FGF23: variants seen among roughly 807,000 people sequenced by gnomAD.
The protein encoded by FGF23 is fibroblast growth factor 23.
FGF23 carries 8 observed loss-of-function variants against 9.0 expected under a neutral mutation model. The ratio of observed to expected loss-of-function variants is 0.89; its 90% CI spans 0.52 to 1.60. The LOEUF (loss-of-function observed/expected upper bound fraction) is 1.60, where lower values mean the gene tolerates loss of function less well. Ranked by LOEUF, FGF23 falls within the 40% of genes most tolerant of loss-of-function variation. FGF23 has a pLI of 0.00. For synonymous variants in FGF23, 118 were observed against 146.2 expected (o/e 0.81, Z 1.39); for missense variants, 311 against 344.3 (o/e 0.90, Z 0.77).
chr12:4,372,928 G>C (rs1370689388), intron 1 of FGF23, among the ~76,000 whole-genome samples: 1 of 152,176 alleles, frequency 6.6e-6, no homozygotes, highest in Non-Finnish European at 1.5e-5. Context: ...CTTGTTGCCT[G>C]TATGGGGCAC....
Position 4,369,236 on chromosome 12 carries a change from T to TCCCCTGATTTCTTTC in FGF23, c.*1092_*1106dup. On this transcript the variant is annotated 3_prime_UTR_variant, in exon 3 of 3. Transcript: ENST00000237837. ...GTCTTTTCATAACTTCTATAACATG[T>TCCCCTGATTTCTTTC]CCCCTGATTTCTTTCCCCCTGAGTC... 4.3e-6 allele frequency: 1 copy of TCCCCTGATTTCTTTC among 231,426 alleles called. No individual in the cohort carries two copies. The highest frequency in any genetic ancestry group is 8.5e-6 in the Non-Finnish European group (1 of 116,982). 14.3% of individuals were successfully genotyped at this position (231,426 alleles called of 1,614,324 possible).
Position 4,372,623 on chromosome 12 carries a change from T to C in FGF23, c.286A>G (p.Met96Val), listed in dbSNP as rs1235827893. 1.2e-6 allele frequency: 2 copies of C among 1,612,178 alleles called. No individual in the cohort carries two copies. The highest frequency in any genetic ancestry group is 2.2e-5 in the East Asian group (1 of 44,872). The stretch of plus-strand genomic sequence containing the variant: ...CCAAAAATGTTGCCTCTGAAATCCA[T>C]GCAGAGGTATCTTCTGCTCATCACA... ...TGVMSRRYLC[M>V]DFRGNIFGSH... Residue 96 changes from methionine (M) to valine (V), a missense_variant, in exon 2 of 3, where the codon ATG becomes GTG. By Grantham distance (21) the Met-to-Val change is conservative (BLOSUM62 1). Coordinates refer to ENST00000237837, the MANE Select transcript of FGF23 (RefSeq NM_020638.3).
In FGF23 at chr12:4,370,605, G is replaced by A. The variant is rs758416496; in HGVS notation, c.494C>T (p.Pro165Leu). Residue 165 changes from proline (P) to leucine (L), a missense_variant, in exon 3 of 3, where the codon CCC (proline) becomes CTC (leucine). Transcript: ENST00000237837. ...TATGGGGGTGTTGAAGTGAATTAGGGGGATCTCGTTCCTCCGGGACAGGAA... is the reference window on the plus strand; with the variant it reads ...TATGGGGGTGTTGAAGTGAATTAGGAGGATCTCGTTCCTCCGGGACAGGAA... ...SQFLSRRNEIPLIHFNTPIPR... is the reference protein window; with the variant it reads ...SQFLSRRNEILLIHFNTPIPR... 8.7e-6 allele frequency: 14 copies of A among 1,613,962 alleles called. No homozygotes were observed. The highest frequency in any genetic ancestry group is 1.7e-5 in the Admixed American group (1 of 60,002).
chr12:4,376,930 G>A (rs967023674), intron 1 of FGF23, among the ~76,000 whole-genome samples: 2 of 152,018 alleles, frequency 1.3e-5, no homozygotes, highest in African/African-American at 4.8e-5. Flanking sequence ...CATAGACTAG[G>A]AAAAGTAGAT....
chr12:4,377,646 G>A (rs1865133139), intron 1 of FGF23, among the ~76,000 whole-genome samples: 1 of 148,504 alleles, frequency 6.7e-6, no homozygotes, highest in Non-Finnish European at 1.5e-5. Context: ...TAGCCAGGAT[G>A]GTCTCAATCT....
In FGF23 at chr12:4,379,547, G is replaced by A; in HGVS notation, c.36C>T (p.Ala12=). The A allele has an allele frequency of 6.2e-7, 1 of 1,611,340 alleles. No homozygotes were observed. Among genetic ancestry groups the A allele is most frequent in the African/African-American group, 1.3e-5 (1 of 75,062 alleles). Residue 12 remains alanine (A), a synonymous_variant, in exon 1 of 3, where the codon GCC becomes GCT. Transcript: ENST00000237837. ...CGCTCATGCTGCAGACGCTGCACAA[G>A]GCACAGACCCAGAGCCTGAGGCGGG... ...LGARLRLWVC[A]LCSVCSMSVL... is the part of the protein sequence containing the mutation.
intron 2 of FGF23, among the ~76,000 whole-genome samples, chr12:4,371,817 A>G (rs975841670): frequency 6.6e-6 from 1 of 152,148 alleles, no homozygotes; most frequent in Non-Finnish European, 1.5e-5. Context: ...GAAGACACCA[A>G]TGGCTTTTCA....
intron 1 of FGF23, among the ~76,000 whole-genome samples, chr12:4,376,809 G>A (rs901291537): frequency 1.3e-5 from 2 of 152,046 alleles, no homozygotes; most frequent in African/African-American, 2.4e-5. Context: ...GTGAGCCACC[G>A]CATCTGGCCT....
rs916877521 is a variant in FGF23 at position 4,370,727 on chromosome 12, G to A, written c.372C>T (p.Tyr124=). ...GATACTGAGGAGAGTGGTAGACGTCGTACCCGTTTTCCAGCGTCTGGTGTT... is the reference window on the plus strand; with the variant it reads ...GATACTGAGGAGAGTGGTAGACGTCATACCCGTTTTCCAGCGTCTGGTGTT... ...RFQHQTLENG[Y]DVYHSPQYHF... The change falls in exon 3 of 3, where the codon TAC becomes TAT. Residue 124 remains tyrosine, a synonymous_variant. Transcript: ENST00000237837. 7 of 1,614,004 alleles carry A rather than the reference G, an allele frequency of 4.3e-6. No individual in the cohort carries two copies. The highest frequency in any genetic ancestry group is 4.0e-5 in the African/African-American group (3 of 74,914).
chr12:4,374,426 G>A (rs1865095631), intron 1 of FGF23, among the ~76,000 whole-genome samples: 1 of 152,130 alleles, frequency 6.6e-6, no homozygotes, highest in Non-Finnish European at 1.5e-5. Flanking sequence ...GAGGCGGGTG[G>A]ATCATGAGGT....
intron 1 of FGF23, among the ~76,000 whole-genome samples, chr12:4,378,699 G>A (rs11063123): frequency 0.15 from 23,142 of 151,980 alleles, 1,904 homozygotes; most frequent in East Asian, 0.22. Context: ...GTACCTGGGT[G>A]TCTGAAACAC....
chr12:4,378,013 G>A (rs1456937625), intron 1 of FGF23, among the ~76,000 whole-genome samples: 1 of 152,198 alleles, frequency 6.6e-6, no homozygotes, highest in Non-Finnish European at 1.5e-5. Context: ...TGGTTTCCAA[G>A]ATGTTGACTC....
chr12:4,372,456 G>T, intron 2 of FGF23, 138 bp downstream of exon 2: 1 of 700,226 alleles, frequency 1.4e-6, no homozygotes, highest in Non-Finnish European at 2.6e-6. Flanking sequence ...TTCATACTTA[G>T]ACTGCATGAA....
At chr12:4,373,276 G>C (rs1011447457) in intron 1 of FGF23, among the ~76,000 whole-genome samples, 1 of 152,164 alleles carries the variant, frequency 6.6e-6, no homozygotes, top group Non-Finnish European at 1.5e-5. Context: ...AGGCTCAGGC[G>C]TCACCATCTC....
At chr12:4,375,996 G>A (rs912788657) in intron 1 of FGF23, among the ~76,000 whole-genome samples, 1 of 152,160 alleles carries the variant, frequency 6.6e-6, no homozygotes, top group African/African-American at 2.4e-5. Context: ...GTATGAAAAA[G>A]GCTGAAGGAG....
chr12:4,375,891 A>T (rs929263400), intron 1 of FGF23, among the ~76,000 whole-genome samples: 1 of 152,248 alleles, frequency 6.6e-6, no homozygotes, highest in Non-Finnish European at 1.5e-5. Flanking sequence ...TGCTTATAGA[A>T]GTAGAAAATT....
chr12:4,376,378 G>GA (rs1279977181), intron 1 of FGF23, among the ~76,000 whole-genome samples: 1 of 152,044 alleles, frequency 6.6e-6, no homozygotes, highest in Non-Finnish European at 1.5e-5. Context: ...ATTAGGAGGG[G>GA]AAAAAATACC....
chr12:4,369,079 C>T lies in FGF23; in HGVS notation c.*1264G>A, dbSNP rs1865033384. The T allele has an allele frequency of 4.4e-6, 1 of 228,816 alleles. No homozygotes were observed. The highest frequency in any genetic ancestry group is 8.7e-6 in the Non-Finnish European group (1 of 115,476). The allele number at this position is 228,816 out of a possible 1,614,324, so 14.2% of individuals were successfully genotyped here. On this transcript the variant is annotated 3_prime_UTR_variant, in exon 3 of 3. Transcript: ENST00000237837. ...GAACCGCAGTAATGGGGTAAGGCTT[C>T]ATTTAATGCACCAAGAATTTCCAAG...
Position 4,369,451 on chromosome 12 carries a change from C to A in FGF23, c.*892G>T. ...TCTTAGGAGAGTTGGAATTTATTTCCATTTTGAAAAGCAAATTCTAGCAGG... is the reference window on the plus strand; with the variant it reads ...TCTTAGGAGAGTTGGAATTTATTTCAATTTTGAAAAGCAAATTCTAGCAGG... On this transcript the variant is annotated 3_prime_UTR_variant, in exon 3 of 3. Transcript: ENST00000237837. The A allele has an allele frequency of 4.4e-6, 1 of 229,712 alleles. No individual in the cohort carries two copies. 14.2% of individuals were successfully genotyped at this position (229,712 alleles called of 1,614,324 possible).
Sources: gnomAD v4.1 joint callset for allele counts (sites outside exome capture counted in the v4.1 genomes callset) on GRCh38, gnomAD v4.1.1 for gene constraint, MANE v1.5 for transcripts, NCBI Gene and HGNC (gene_info 2026-07-23, HGNC 2026-07-21) for gene names.